The following EYA1 variants were observed in gnomAD, a reference collection of about 807,000 sequenced individuals.
EYA1 encodes the protein EYA transcriptional coactivator and phosphatase 1.
A neutral mutation model predicts 82.0 loss-of-function variants in EYA1; 16 were observed. That is an observed-to-expected ratio of 0.20 (90% CI 0.13 to 0.30). The LOEUF is 0.30. Among genes scored for constraint, EYA1 ranks in the 10% least tolerant of loss-of-function variants. The pLI is 1.00. For missense variants in EYA1, 633 were observed against 730.7 expected (o/e 0.87, Z 1.54); for synonymous variants, 261 against 264.4 (o/e 0.99, Z 0.12).
At chr8:71,240,149 A>G (rs962873745) in intron 12 of EYA1, among the ~76,000 whole-genome samples, 2 of 152,112 alleles carry the variant, frequency 1.3e-5, no homozygotes, top group African/African-American at 4.8e-5. Context: ...AAGAAAAATC[A>G]TTGCAGCTTT....
chr8:71,406,317 A>G (rs549336909), intron 2 of EYA1, among the ~76,000 whole-genome samples: 1 of 152,352 alleles, frequency 6.6e-6, no homozygotes, highest in East Asian at 1.9e-4. Flanking sequence ...CATTACAGAA[A>G]TGAGAATTAA....
At chr8:71,336,504 T>C (rs7014725) in intron 3 of EYA1, among the ~76,000 whole-genome samples, 15,376 of 152,254 alleles carry the variant, frequency 0.1, 1,267 homozygotes, top group African/African-American at 0.22. Context: ...ACTTTGTGAA[T>C]GCTTGACTAC....
intron 12 of EYA1, among the ~76,000 whole-genome samples, chr8:71,243,847 A>G (rs77012330): frequency 6.6e-6 from 1 of 152,268 alleles, no homozygotes; most frequent in African/African-American, 2.4e-5. Flanking sequence ...TATAAATCGA[A>G]CAAAACAACA....
chr8:71,460,359 G>A (rs1375114512), intron 2 of EYA1, among the ~76,000 whole-genome samples: 3 of 152,252 alleles, frequency 2.0e-5, no homozygotes, highest in Middle Eastern at 3.4e-3. Flanking sequence ...CAGATGATTC[G>A]AATGTGCAGC....
At chr8:71,210,697 G>A (rs1166041776) in intron 17 of EYA1, among the ~76,000 whole-genome samples, 4 of 152,294 alleles carry the variant, frequency 2.6e-5, no homozygotes, top group South Asian at 2.1e-4. Context: ...AGAAGACATC[G>A]AGTCTTCTGG....
chr8:71,478,254 AG>A (rs1160323516), intron 2 of EYA1, among the ~76,000 whole-genome samples: 1 of 152,174 alleles, frequency 6.6e-6, no homozygotes, highest in East Asian at 1.9e-4. Context: ...AGCATGTAAA[AG>A]GCTGGTAAGG....
chr8:71,417,300 C>T lies in EYA1; in HGVS notation c.34-60789G>A, dbSNP rs1830905640. The stretch of plus-strand genomic sequence containing the variant: ...ACAAATACAACCCCTAATTTTATAT[C>T]GTTAGCCCAGTAGTCCACAACAGTA... On this transcript the variant is annotated intron_variant, in intron 2 of 18. Coordinates refer to the EYA1 transcript ENST00000643681. 6.6e-5 allele frequency among the ~76,000 whole-genome samples: 10 copies of T among 152,150 alleles called. No homozygotes were observed. In the South Asian group the frequency reaches 1.9e-3, roughly 28 times the overall value.
At chr8:71,505,087 C>T (rs1445055317) in intron 2 of EYA1, among the ~76,000 whole-genome samples, 1 of 152,170 alleles carries the variant, frequency 6.6e-6, no homozygotes. Flanking sequence ...ACCATGCCTA[C>T]CTGCCTCTCC....
chr8:71,348,740 C>A (rs961131487), intron 3 of EYA1, among the ~76,000 whole-genome samples: 1 of 152,194 alleles, frequency 6.6e-6, no homozygotes, highest in Admixed American at 6.5e-5. Flanking sequence ...CCTCCAGCCA[C>A]ACTGGACTCC....
intron 11 of EYA1, among the ~76,000 whole-genome samples, chr8:71,259,248 C>A (rs927399649): frequency 6.6e-6 from 1 of 152,136 alleles, no homozygotes; most frequent in Non-Finnish European, 1.5e-5. Flanking sequence ...CTCCCTCTCC[C>A]GCACAGCAGA....
intron 11 of EYA1, among the ~76,000 whole-genome samples, chr8:71,269,395 T>C (rs926650373): frequency 6.6e-6 from 1 of 152,166 alleles, no homozygotes; most frequent in Non-Finnish European, 1.5e-5. Context: ...TGTTAGGGAA[T>C]AAAAAGACAG....
chr8:71,362,164 T>C (rs1449090258), upstream of EYA1: 2 of 976,398 alleles, frequency 2.0e-6, no homozygotes, highest in Non-Finnish European at 2.4e-6. Flanking sequence ...TCTTTTTTTT[T>C]TTTTTTTTTT....
At chr8:71,222,431 A>T (rs13274732) in intron 12 of EYA1, among the ~76,000 whole-genome samples, 30,156 of 152,244 alleles carry the variant, frequency 0.2, 3,709 homozygotes, top group African/African-American at 0.36. Flanking sequence ...GTTCCCAGTC[A>T]GAGGTTGGTC....
intron 2 of EYA1, among the ~76,000 whole-genome samples, chr8:71,462,161 GC>G (rs1162145696): frequency 3.3e-5 from 5 of 152,112 alleles, no homozygotes; most frequent in Non-Finnish European, 7.4e-5. Context: ...GAGCCTGTCT[GC>G]CTCCTGCCAC....
chr8:71,433,519 C>T lies in EYA1; in HGVS notation c.34-77008G>A, dbSNP rs78164730. 1.6e-3 allele frequency among the ~76,000 whole-genome samples: 251 copies of T among 152,264 alleles called. 8 individuals carry two copies. The East Asian group carries it at 0.042, about 25-fold the overall frequency. On this transcript the variant is annotated intron_variant, in intron 2 of 18. Coordinates refer to the EYA1 transcript ENST00000643681. ...TAGTTTCCCGGGAGAGCTTAGTGAG[C>T]TGCAATTTAAATAGTGGCTCAGGCA...
At chr8:71,247,389 C>T (rs1813234706) in intron 11 of EYA1, among the ~76,000 whole-genome samples, 1 of 152,090 alleles carries the variant, frequency 6.6e-6, no homozygotes, top group Non-Finnish European at 1.5e-5. Flanking sequence ...ATAGTATTGC[C>T]AAACGTCAGG....
chr8:71,269,865 G>A (rs1283498915), intron 10 of EYA1, 42 bp from the exon 11 acceptor site: 1 of 1,494,310 alleles, frequency 6.7e-7, no homozygotes, highest in Non-Finnish European at 9.3e-7. Flanking sequence ...TGCCTTGGCT[G>A]AGAAAGCTGT....
intron 2 of EYA1, among the ~76,000 whole-genome samples, chr8:71,476,527 G>T (rs2129206924): frequency 6.6e-6 from 1 of 152,068 alleles, no homozygotes; most frequent in East Asian, 1.9e-4. Flanking sequence ...GGAAGGTCAA[G>T]ACTTGTATAA....
At chr8:71,323,558 A>G (rs1822820817) in intron 4 of EYA1, among the ~76,000 whole-genome samples, 1 of 152,212 alleles carries the variant, frequency 6.6e-6, no homozygotes, top group Non-Finnish European at 1.5e-5. Context: ...CCTGTCCAGG[A>G]ACAGTAGATC....
Sources: allele counts gnomAD v4.1 joint callset (sites outside exome capture counted in the v4.1 genomes callset), GRCh38; gene constraint gnomAD v4.1.1; transcripts MANE v1.5; gene names NCBI Gene and HGNC (gene_info 2026-07-23, HGNC 2026-07-21).